Variants in UTRN observed in about 807,000 individuals in gnomAD.
UTRN encodes the protein dystrophin-related protein 1.
Under a neutral mutation model 463.9 loss-of-function variants are expected in UTRN, and 283 were observed. The ratio of observed to expected loss-of-function variants is 0.61; its 90% CI spans 0.55 to 0.67. UTRN has a LOEUF of 0.67. UTRN is among the 30% of genes least tolerant of loss of function. The pLI is 0.00. For synonymous variants in UTRN, 1,442 were observed against 1,431.5 expected, an observed-to-expected ratio of 1.01 and a Z score of -0.17; for missense variants, 3,922 against 4,084.3, an observed-to-expected ratio of 0.96 and a Z score of 1.08.
At chr6:144,696,669 AT>A (rs1417030541) in intron 52 of UTRN, among the ~76,000 whole-genome samples, 4 of 152,090 alleles carry the variant, frequency 2.6e-5, no homozygotes, top group Non-Finnish European at 5.9e-5. Flanking sequence ...AAACCAAAAT[AT>A]ATATATATAC....
chr6:144,304,565 G>C (rs1805547491), intron 2 of UTRN, among the ~76,000 whole-genome samples: 1 of 152,182 alleles, frequency 6.6e-6, no homozygotes, highest in South Asian at 2.1e-4. Context: ...TTCAAGGAAG[G>C]CATCTTGGAA....
intron 51 of UTRN, among the ~76,000 whole-genome samples, chr6:144,619,324 T>TACAA (rs1775107376): frequency 3.3e-5 from 5 of 152,294 alleles, no homozygotes; most frequent in Admixed American, 6.5e-5. Context: ...CCATCAGGAT[T>TACAA]ATTTGGCATT....
chr6:144,330,763 GA>G (rs1324689195), intron 2 of UTRN: 1 of 952,024 alleles, frequency 1.1e-6, no homozygotes, highest in Admixed American at 6.2e-5. Context: ...ACAGAGGCAG[GA>G]ATGTGACCAT....
intron 51 of UTRN, among the ~76,000 whole-genome samples, chr6:144,581,666 C>T (rs1801980200): frequency 6.6e-6 from 1 of 152,188 alleles, no homozygotes; most frequent in South Asian, 2.1e-4. Context: ...ATTATAGCTT[C>T]ATACTTATTT....
At chr6:144,629,769 A>G (rs533510920) in intron 51 of UTRN, among the ~76,000 whole-genome samples, 28 of 152,354 alleles carry the variant, frequency 1.8e-4, no homozygotes, top group African/African-American at 6.3e-4. Context: ...GATATGTGAA[A>G]GATAATTCCA....
chr6:144,703,552 C>T (rs1784798466), intron 53 of UTRN, among the ~76,000 whole-genome samples: 1 of 152,046 alleles, frequency 6.6e-6, no homozygotes, highest in Non-Finnish European at 1.5e-5. Context: ...AATGAGGAAA[C>T]TGAGAAGGAA....
chr6:144,341,255 C>T (rs1253617856), intron 2 of UTRN, among the ~76,000 whole-genome samples: 1 of 152,106 alleles, frequency 6.6e-6, no homozygotes, highest in Admixed American at 6.6e-5. Flanking sequence ...CAAGGCCTTA[C>T]ATCAAAAAAT....
intron 43 of UTRN, among the ~76,000 whole-genome samples, chr6:144,535,459 T>C (rs1317795047): frequency 1.3e-5 from 2 of 152,204 alleles, no homozygotes; most frequent in Non-Finnish European, 2.9e-5. Flanking sequence ...CTTCTAAAGG[T>C]AGATATCTGT....
rs1426261379 is a variant in UTRN at position 144,503,593 on chromosome 6, T to C, written c.4764+4166T>C. On this transcript the variant is annotated intron_variant, in intron 34 of 74. Coordinates refer to ENST00000367545, the MANE Select transcript of UTRN (RefSeq NM_007124.3). ...GGTGTTATTTCTGAGGCCTCTGTTC[T>C]GTTCCATTGGTCTATATATCTGTTT... 2.6e-5 allele frequency among the ~76,000 whole-genome samples: 4 copies of C among 152,202 alleles called. No individual in the cohort carries two copies. In the East Asian group the frequency reaches 7.7e-4, roughly 29 times the overall value.
intron 2 of UTRN, among the ~76,000 whole-genome samples, chr6:144,351,646 T>C (rs568004212): frequency 1.3e-5 from 2 of 152,248 alleles, no homozygotes; most frequent in Non-Finnish European, 2.9e-5. Context: ...GCCTCCCCTA[T>C]GATTCTGTGC....
intron 53 of UTRN, among the ~76,000 whole-genome samples, chr6:144,704,796 T>C (rs1784921876): frequency 6.6e-6 from 1 of 152,004 alleles, no homozygotes; most frequent in Non-Finnish European, 1.5e-5. Flanking sequence ...ACCCCGCCCC[T>C]ACTAAAAATA....
intron 25 of UTRN, among the ~76,000 whole-genome samples, chr6:144,479,018 TAATAG>T (rs1791550279): frequency 6.6e-6 from 1 of 152,104 alleles, no homozygotes; most frequent in Admixed American, 6.6e-5. Context: ...ATGACATCTT[TAATAG>T]CAGCCTCTCC....
intron 23 of UTRN, among the ~76,000 whole-genome samples, chr6:144,471,716 G>A (rs980311797): frequency 3.3e-5 from 5 of 152,216 alleles, no homozygotes; most frequent in South Asian, 2.1e-4. Context: ...TGTGGGAATA[G>A]TGTCAGACAG....
At chr6:144,689,219 T>C (rs1304747066) in intron 52 of UTRN, among the ~76,000 whole-genome samples, 2 of 152,184 alleles carry the variant, frequency 1.3e-5, no homozygotes, top group Non-Finnish European at 2.9e-5. Context: ...CTAGAATGGC[T>C]GTCTACAGGT....
intron 49 of UTRN, among the ~76,000 whole-genome samples, chr6:144,556,700 C>T (rs1799415337): frequency 6.6e-6 from 1 of 152,192 alleles, no homozygotes; most frequent in Admixed American, 6.5e-5. Flanking sequence ...TTGATCCATT[C>T]AAGTGGTTAT....
In UTRN at chr6:144,379,558, G is replaced by A. The variant is rs376503844; in HGVS notation, c.80-23565G>A. Reference sequence around the variant, plus strand: ...TGTGAGCTTCTCTTAGAGTGAGAGAGATATGAAAGAATGCAAAGGGGAAGC... The same window carrying A: ...TGTGAGCTTCTCTTAGAGTGAGAGAAATATGAAAGAATGCAAAGGGGAAGC... On this transcript the variant is annotated intron_variant, in intron 2 of 74. Coordinates refer to ENST00000367545, the MANE Select transcript of UTRN (RefSeq NM_007124.3). Among the ~76,000 whole-genome samples the A allele has an allele frequency of 8.5e-5, 13 of 152,308 alleles. No individual in the cohort carries two copies. The East Asian group carries it at 1.7e-3, about 20-fold the overall frequency.
intron 51 of UTRN, among the ~76,000 whole-genome samples, chr6:144,603,337 C>A (rs1453635232): frequency 3.3e-5 from 5 of 152,028 alleles, no homozygotes; most frequent in African/African-American, 1.2e-4. Context: ...TTATACATTG[C>A]GAGGTGGCTT....
intron 25 of UTRN, among the ~76,000 whole-genome samples, chr6:144,477,461 G>A (rs1791338009): frequency 6.6e-6 from 1 of 151,882 alleles, no homozygotes; most frequent in Non-Finnish European, 1.5e-5. Flanking sequence ...AGGAACAGCT[G>A]TATATCCATC....
At chr6:144,750,387 T>C (rs1474539286) in intron 55 of UTRN, among the ~76,000 whole-genome samples, 1 of 152,130 alleles carries the variant, frequency 6.6e-6, no homozygotes, top group Admixed American at 6.6e-5. Context: ...TTCCCATGAA[T>C]TTGTATGCAT....
Sources: gnomAD v4.1 joint callset for allele counts (sites outside exome capture counted in the v4.1 genomes callset) on GRCh38, gnomAD v4.1.1 for gene constraint, MANE v1.5 for transcripts, NCBI Gene and HGNC (gene_info 2026-07-23, HGNC 2026-07-21) for gene names.